The following SNX3 variants were observed in gnomAD, a reference collection of about 807,000 sequenced individuals.
The protein encoded by SNX3 is sorting nexin-3.
Under a neutral mutation model 17.7 loss-of-function variants are expected in SNX3, and 5 were observed. The ratio of observed to expected loss-of-function variants is 0.28; its 90% confidence interval spans 0.15 to 0.59. The LOEUF (loss-of-function observed/expected upper bound fraction) is 0.59. SNX3 is among the 20% of genes least tolerant of loss of function. The pLI, the probability that SNX3 is intolerant of heterozygous loss-of-function variation, is 0.88. For missense variants in SNX3, 132 were observed against 206.8 expected (o/e 0.64, Z 2.22); for synonymous variants, 91 against 76.5 (o/e 1.19, Z -0.99).
At chr6:108,241,627 A>T (rs1319869990) in intron 1 of SNX3, among the ~76,000 whole-genome samples, 1 of 152,090 alleles carries the variant, frequency 6.6e-6, no homozygotes, top group African/African-American at 2.4e-5. Context: ...AAAAAAAAAA[A>T]TTGATCCGTG....
intron 1 of SNX3, among the ~76,000 whole-genome samples, chr6:108,235,282 C>G (rs1206449813): frequency 6.6e-6 from 1 of 152,150 alleles, no homozygotes; most frequent in African/African-American, 2.4e-5. Context: ...AGGACCTGAT[C>G]TACATCTCCA....
intron 1 of SNX3, among the ~76,000 whole-genome samples, chr6:108,244,917 G>C (rs546103185): frequency 3.9e-5 from 6 of 152,082 alleles, no homozygotes; most frequent in African/African-American, 1.2e-4. Flanking sequence ...TGGGGTTACA[G>C]GCATGAGCCA....
At chr6:108,247,866 G>A (rs1775739726) in intron 1 of SNX3, among the ~76,000 whole-genome samples, 3 of 152,026 alleles carry the variant, frequency 2.0e-5, no homozygotes, top group Admixed American at 6.5e-5. Flanking sequence ...GGGAGGCAGA[G>A]GCAGGAGGAT....
intron 2 of SNX3, among the ~76,000 whole-genome samples, chr6:108,219,675 T>C (rs1245537695): frequency 2.0e-5 from 3 of 152,228 alleles, no homozygotes; most frequent in Non-Finnish European, 4.4e-5. Flanking sequence ...AAATCTTTAT[T>C]TCCTAATAGA....
At chr6:108,253,166 C>T (rs1444613080) in intron 1 of SNX3, among the ~76,000 whole-genome samples, 1 of 152,152 alleles carries the variant, frequency 6.6e-6, no homozygotes, top group Non-Finnish European at 1.5e-5. Context: ...TGCATGTGAT[C>T]ACCAGGATAG....
chr6:108,244,405 T>A (rs573275750), intron 1 of SNX3, among the ~76,000 whole-genome samples: 1 of 152,292 alleles, frequency 6.6e-6, no homozygotes, highest in East Asian at 1.9e-4. Flanking sequence ...TCCTCCTGCT[T>A]TGGCCTTCCA....
intron 1 of SNX3, among the ~76,000 whole-genome samples, chr6:108,233,735 C>T (rs1309475270): frequency 1.3e-5 from 2 of 151,954 alleles, no homozygotes; most frequent in African/African-American, 4.8e-5. Context: ...GCTGAAAGAG[C>T]GAATAACTGC....
intron 1 of SNX3, among the ~76,000 whole-genome samples, chr6:108,244,647 G>GTTTTTTT (rs1021781550): frequency 8.1e-4 from 71 of 87,218 alleles, no homozygotes; most frequent in African/African-American, 1.1e-3. Context: ...TAAGTAAGGA[G>GTTTTTTT]TTTTTTTTTT....
intron 1 of SNX3, among the ~76,000 whole-genome samples, chr6:108,244,131 T>C (rs1278220719): frequency 2.0e-5 from 3 of 152,114 alleles, no homozygotes; most frequent in Non-Finnish European, 4.4e-5. Flanking sequence ...GGAAAGAAAC[T>C]GCCCTCTCCA....
rs572109635 is a variant in SNX3 at position 108,212,079 on chromosome 6, A to C, written c.*70T>G. Reference sequence around the variant, plus strand: ...ATACCAGTTTCTGTGCAGCATGCTAAAAGTTAGAACTTCTTCACTGGTGCT... The same window carrying C: ...ATACCAGTTTCTGTGCAGCATGCTACAAGTTAGAACTTCTTCACTGGTGCT... On this transcript the variant is annotated 3_prime_UTR_variant, in exon 4 of 4. Transcript: ENST00000230085. The C allele has an allele frequency of 2.6e-6, 2 of 779,968 alleles. No homozygotes were observed. The highest frequency in any genetic ancestry group is 1.8e-5 in the African/African-American group (1 of 56,284). 48.3% of individuals were successfully genotyped at this position (779,968 alleles called of 1,614,324 possible). A position where few individuals can be genotyped will look rare whatever the true frequency, so the allele number is the denominator to read the frequency against.
intron 2 of SNX3, among the ~76,000 whole-genome samples, chr6:108,215,210 C>A (rs775162432): frequency 2.0e-5 from 3 of 151,962 alleles, no homozygotes; most frequent in Non-Finnish European, 2.9e-5. Flanking sequence ...ATGAGCCGGG[C>A]GTGGTGGCGG....
chr6:108,241,340 G>A (rs978769042), intron 1 of SNX3, among the ~76,000 whole-genome samples: 1 of 151,870 alleles, frequency 6.6e-6, no homozygotes, highest in Admixed American at 6.6e-5. Flanking sequence ...ACTTTGACTT[G>A]TTCCCCAACC....
intron 1 of SNX3, among the ~76,000 whole-genome samples, chr6:108,248,083 T>C (rs771184978): frequency 6.6e-6 from 1 of 152,182 alleles, no homozygotes; most frequent in African/African-American, 2.4e-5. Context: ...TGGCATGTCA[T>C]TGATGTCAGA....
chr6:108,239,638 A>G (rs1775457643), intron 1 of SNX3, among the ~76,000 whole-genome samples: 1 of 152,218 alleles, frequency 6.6e-6, no homozygotes, highest in Non-Finnish European at 1.5e-5. Context: ...GAAGACATTC[A>G]AAAGAGAAGA....
rs968493134 is a variant in SNX3, at chr6:108,260,989, C to CGCT, written c.-71_-69dup. ...CTCCGCGTTCAGCCGCCGCCGCCGC[C>CGCT]GCTGCTGCCCGCCGTGGGGACACGG... On this transcript the variant is annotated 5_prime_UTR_variant, in exon 1 of 4. Coordinates refer to ENST00000230085, the MANE Select transcript of SNX3 (RefSeq NM_003795.6). The CGCT allele has an allele frequency of 4.2e-5, 54 of 1,285,446 alleles. No individual in the cohort carries two copies. The highest frequency in any genetic ancestry group is 5.1e-5 in the Non-Finnish European group (50 of 984,286). 79.6% of individuals were successfully genotyped at this position (1,285,446 alleles called of 1,614,324 possible).
intron 1 of SNX3, among the ~76,000 whole-genome samples, chr6:108,251,696 C>A (rs1034204046): frequency 1.3e-5 from 2 of 152,192 alleles, no homozygotes; most frequent in African/African-American, 2.4e-5. Flanking sequence ...CTACCTGATA[C>A]AACCTTTCTG....
In SNX3 at chr6:108,214,612, G is replaced by T; in HGVS notation, c.269C>A (p.Pro90His). 6.2e-7 allele frequency: 1 copy of T among 1,611,636 alleles called. No homozygotes were observed. The highest frequency in any genetic ancestry group is 8.5e-7 in the Non-Finnish European group (1 of 1,179,452). ...CAAAAACGCTTTCCCAGGGAGCGGG[G>T]GAACTACGACCTAAAATGTGAAGAC... is the stretch of plus-strand genomic sequence containing the variant. ...ELERESKVVVPPLPGKAFLRQ... is the reference protein window; with the variant it reads ...ELERESKVVVHPLPGKAFLRQ... The change falls in exon 3 of 4, where the codon CCC (proline) becomes CAC (histidine). Residue 90 changes from proline (P) to histidine (H), a missense_variant. By Grantham distance (77) the Pro-to-His change is moderately conservative. This residue lies in a region of SNX3 where 54 missense variants were observed against 118.0 expected (regional missense o/e 0.46). Transcript: ENST00000230085.
At chr6:108,242,926 G>A (rs956838447) in intron 1 of SNX3, among the ~76,000 whole-genome samples, 1 of 152,084 alleles carries the variant, frequency 6.6e-6, no homozygotes, top group African/African-American at 2.4e-5. Flanking sequence ...AGAACTCCCG[G>A]GCCTCAGATG....
chr6:108,238,760 A>C (rs1335141420), intron 1 of SNX3, among the ~76,000 whole-genome samples: 1 of 152,198 alleles, frequency 6.6e-6, no homozygotes, highest in African/African-American at 2.4e-5. Flanking sequence ...AGTTCAAATA[A>C]TTGGTATATC....
Sources: allele counts gnomAD v4.1 joint callset (sites outside exome capture counted in the v4.1 genomes callset), GRCh38; gene constraint gnomAD v4.1.1; regional missense constraint gnomAD v4.1.1; transcripts MANE v1.5; gene names NCBI Gene and HGNC (gene_info 2026-07-23, HGNC 2026-07-21).